Variants in GLI3 observed in about 807,000 individuals in gnomAD.
The protein encoded by GLI3 is transcription activator GLI3.
A neutral mutation model predicts 100.8 loss-of-function variants in GLI3; 20 were observed. The ratio of observed to expected loss-of-function variants is 0.20; its 90% CI spans 0.14 to 0.29. GLI3 has a LOEUF of 0.29. Among genes scored for constraint, GLI3 ranks in the 10% least tolerant of loss-of-function variants. The pLI, the probability that GLI3 is intolerant of heterozygous loss-of-function variation, is 1.00. For synonymous variants in GLI3, 938 were observed against 860.5 expected, an observed-to-expected ratio of 1.09 and a Z score of -1.58; for missense variants, 2,040 against 2,128.5, an observed-to-expected ratio of 0.96 and a Z score of 0.82.
At chr7:42,232,337 G>A (rs1010791418) in intron 1 of GLI3, among the ~76,000 whole-genome samples, 5 of 152,194 alleles carry the variant, frequency 3.3e-5, no homozygotes, top group Non-Finnish European at 5.9e-5. Flanking sequence ...TAGAAGGTAG[G>A]GAGGGGACTT....
At chr7:42,058,856 T>C (rs1332810240) in intron 4 of GLI3, among the ~76,000 whole-genome samples, 2 of 152,268 alleles carry the variant, frequency 1.3e-5, no homozygotes, top group East Asian at 3.8e-4. Flanking sequence ...AATTTGTCTC[T>C]ACTCTGTACT....
chr7:42,188,107 G>A (rs1787756068), intron 2 of GLI3, among the ~76,000 whole-genome samples: 1 of 151,848 alleles, frequency 6.6e-6, no homozygotes, highest in Admixed American at 6.6e-5. Flanking sequence ...TACAAGCCAA[G>A]CAATAGCAAG....
At chr7:42,191,019 A>T (rs934635137) in intron 2 of GLI3, among the ~76,000 whole-genome samples, 2 of 151,844 alleles carry the variant, frequency 1.3e-5, no homozygotes, top group East Asian at 3.8e-4. Flanking sequence ...TTAACCTGAT[A>T]AAAAAAATAA....
At chr7:42,068,281 T>G (rs919401895) in intron 4 of GLI3, among the ~76,000 whole-genome samples, 1 of 152,256 alleles carries the variant, frequency 6.6e-6, no homozygotes, top group Non-Finnish European at 1.5e-5. Context: ...GCCGTTTAAC[T>G]TGTTAATTTT....
At chr7:42,114,558 G>C (rs1454511528) in intron 3 of GLI3, among the ~76,000 whole-genome samples, 7 of 152,208 alleles carry the variant, frequency 4.6e-5, no homozygotes, top group Non-Finnish European at 7.3e-5. Context: ...TCACTGCTAA[G>C]TGACACATCC....
intron 2 of GLI3, among the ~76,000 whole-genome samples, chr7:42,215,113 G>C (rs1373174708): frequency 6.6e-6 from 1 of 151,822 alleles, no homozygotes; most frequent in Non-Finnish European, 1.5e-5. Context: ...ATCATTACTG[G>C]GGACTCACAC....
intron 4 of GLI3, among the ~76,000 whole-genome samples, chr7:42,056,265 T>C (rs973473731): frequency 1.3e-5 from 2 of 152,190 alleles, no homozygotes; most frequent in Admixed American, 6.5e-5. Flanking sequence ...GGGAGAGATT[T>C]CAAGGAGCAT....
chr7:42,248,201 C>T (rs1251448820), intron 1 of GLI3, among the ~76,000 whole-genome samples: 1 of 152,168 alleles, frequency 6.6e-6, no homozygotes, highest in African/African-American at 2.4e-5. Flanking sequence ...AAAGTTTATA[C>T]AGTTTTTCCC....
chr7:42,221,889 C>T (rs1414925155), intron 2 of GLI3, among the ~76,000 whole-genome samples: 2 of 152,300 alleles, frequency 1.3e-5, no homozygotes, highest in Non-Finnish European at 2.9e-5. Context: ...AATATTTTCA[C>T]ATATATGTAA....
intron 13 of GLI3, among the ~76,000 whole-genome samples, chr7:41,971,637 A>G (rs1287516659): frequency 1.3e-5 from 2 of 152,182 alleles, no homozygotes; most frequent in Non-Finnish European, 2.9e-5. Context: ...TTCAGGCCCA[A>G]CTGCAGAAGT....
At chr7:42,175,777 C>G (rs1787468507) in intron 2 of GLI3, among the ~76,000 whole-genome samples, 1 of 152,184 alleles carries the variant, frequency 6.6e-6, no homozygotes, top group Non-Finnish European at 1.5e-5. Flanking sequence ...TATAATAACA[C>G]TAACAGTAAC....
intron 6 of GLI3, among the ~76,000 whole-genome samples, chr7:42,041,824 C>G (rs974457836): frequency 3.3e-5 from 5 of 151,770 alleles, no homozygotes; most frequent in African/African-American, 1.2e-4. Flanking sequence ...AAAAAAAATC[C>G]ACAAACTGAA....
intron 4 of GLI3, among the ~76,000 whole-genome samples, chr7:42,050,054 G>A (rs1359925437): frequency 6.6e-6 from 1 of 152,162 alleles, no homozygotes; most frequent in East Asian, 1.9e-4. Context: ...CGCAGACACT[G>A]AAATAAATGA....
At chr7:42,163,743 A>AT (rs1787181929) in intron 2 of GLI3, among the ~76,000 whole-genome samples, 1 of 151,922 alleles carries the variant, frequency 6.6e-6, no homozygotes, top group Admixed American at 6.6e-5. Context: ...TACCATCTCT[A>AT]TTTTTTACAC....
At chr7:42,245,235 A>G (rs1371480432) in intron 1 of GLI3, among the ~76,000 whole-genome samples, 1 of 152,224 alleles carries the variant, frequency 6.6e-6, no homozygotes, top group Non-Finnish European at 1.5e-5. Flanking sequence ...CTTAAGATTC[A>G]GCTCAGTGTT....
intron 10 of GLI3, among the ~76,000 whole-genome samples, chr7:42,018,705 A>G (rs1330780925): frequency 6.6e-6 from 1 of 152,200 alleles, no homozygotes; most frequent in East Asian, 1.9e-4. Flanking sequence ...CTTCTGATAA[A>G]GGAAACTTCA....
chr7:42,086,661 C>T (rs1562721485), intron 3 of GLI3, among the ~76,000 whole-genome samples: 1 of 152,012 alleles, frequency 6.6e-6, no homozygotes, highest in Non-Finnish European at 1.5e-5. Flanking sequence ...CCAAGTCTTA[C>T]CCCCTCTTCA....
chr7:42,176,997 G>T (rs1370584965), intron 2 of GLI3, among the ~76,000 whole-genome samples: 1 of 152,212 alleles, frequency 6.6e-6, no homozygotes, highest in East Asian at 1.9e-4. Context: ...GAGCTAAGAA[G>T]GGACTCTGTT....
intron 10 of GLI3, among the ~76,000 whole-genome samples, chr7:41,990,847 T>G (rs1583763654): frequency 6.6e-6 from 1 of 150,640 alleles, no homozygotes; most frequent in Middle Eastern, 3.4e-3. Flanking sequence ...CATTGGCAAT[T>G]AAAAATAGAT....
Sources: allele counts gnomAD v4.1 joint callset (sites outside exome capture counted in the v4.1 genomes callset), GRCh38; gene constraint gnomAD v4.1.1; transcripts MANE v1.5; gene names NCBI Gene and HGNC (gene_info 2026-07-23, HGNC 2026-07-21).